The following ZSCAN5A variants were observed in gnomAD, a reference collection of about 807,000 sequenced individuals.
ZSCAN5A encodes the protein zinc finger and SCAN domain containing 5A, also known as zinc finger and SCAN domain-containing protein 5A.
A neutral mutation model predicts 23.7 loss-of-function variants in ZSCAN5A; 12 were observed. The ratio of observed to expected loss-of-function variants is 0.51; its 90% CI spans 0.32 to 0.82. The LOEUF is 0.82. ZSCAN5A is among the 40% of genes least tolerant of loss of function. The pLI is 0.03. For synonymous variants in ZSCAN5A, 257 were observed against 239.9 expected (o/e 1.07, Z -0.66); for missense variants, 597 against 617.9 (o/e 0.97, Z 0.36).
intron 2 of ZSCAN5A, among the ~76,000 whole-genome samples, chr19:56,326,466 G>C (rs892214703): frequency 2.0e-5 from 3 of 152,056 alleles, no homozygotes; most frequent in African/African-American, 7.2e-5. Flanking sequence ...CCTTAGACAA[G>C]CATCTCCCCA....
At chr19:56,321,735 A>T in intron 2 of ZSCAN5A, 2 of 1,361,764 alleles carry the variant, frequency 1.5e-6, no homozygotes, top group Non-Finnish European at 2.1e-6. Context: ...CTGAGGACAT[A>T]ACTGCTTTTC....
chr19:56,366,251 G>A (rs1244851209), intron 1 of ZSCAN5A, among the ~76,000 whole-genome samples: 1 of 151,942 alleles, frequency 6.6e-6, no homozygotes, highest in Non-Finnish European at 1.5e-5. Flanking sequence ...GACCATCCTG[G>A]CTAACATGGT....
upstream of ZSCAN5A, among the ~76,000 whole-genome samples, chr19:56,318,269 A>T (rs77737531): frequency 0.014 from 2,105 of 152,236 alleles, 46 homozygotes; most frequent in African/African-American, 0.049. Context: ...TTATTGATTC[A>T]TGCTTCCGGT....
intron 2 of ZSCAN5A, among the ~76,000 whole-genome samples, chr19:56,267,142 G>T (rs186983581): frequency 6.6e-6 from 1 of 151,930 alleles, no homozygotes. Context: ...CTCTAGCTAC[G>T]GCAGCATCTC....
chr19:56,278,300 AT>A (rs1235153265), intron 2 of ZSCAN5A, among the ~76,000 whole-genome samples: 3 of 152,118 alleles, frequency 2.0e-5, no homozygotes, highest in Admixed American at 2.0e-4. Flanking sequence ...TGCCTGGCTA[AT>A]TTTTGTATAT....
intron 2 of ZSCAN5A, among the ~76,000 whole-genome samples, chr19:56,339,924 C>G (rs1242664838): frequency 6.6e-6 from 1 of 152,226 alleles, no homozygotes; most frequent in African/African-American, 2.4e-5. Context: ...TGCCCTTGCT[C>G]TAGATGACTT....
intron 2 of ZSCAN5A, among the ~76,000 whole-genome samples, chr19:56,302,654 C>A (rs536983586): frequency 8.3e-6 from 1 of 121,070 alleles, no homozygotes; most frequent in African/African-American, 3.4e-5. Context: ...TTCTTCCCCC[C>A]CTCCCTGTTC....
chr19:56,282,159 C>T lies in ZSCAN5A; in HGVS notation c.-128+31124G>A, dbSNP rs373978817. 9.8e-4 allele frequency among the ~76,000 whole-genome samples: 149 copies of T among 152,196 alleles called. 1 individual carries two copies. Among genetic ancestry groups the T allele is most frequent in the African/African-American group, 3.1e-3 (129 of 41,518 alleles). ...TTTCCCAGAATTAACATCCAGTCTCCGGTTGAGAAGTGGAGATGACACTTG... is the reference window on the plus strand; with the variant it reads ...TTTCCCAGAATTAACATCCAGTCTCTGGTTGAGAAGTGGAGATGACACTTG... On this transcript the variant is annotated intron_variant, in intron 2 of 5. Coordinates refer to ENST00000683990, the MANE Select transcript of ZSCAN5A (RefSeq NM_001322064.3).
chr19:56,326,336 T>G (rs567909215), intron 2 of ZSCAN5A, among the ~76,000 whole-genome samples: 1 of 151,644 alleles, frequency 6.6e-6, no homozygotes, highest in African/African-American at 2.4e-5. Flanking sequence ...TGTGTGTGTG[T>G]GGTGAGAACA....
chr19:56,228,159 GA>G, intron 2 of ZSCAN5A: 1 of 957,822 alleles, frequency 1.0e-6, no homozygotes, highest in Non-Finnish European at 1.2e-6. Context: ...AAGTCTCCGA[GA>G]AAACGCACGA....
chr19:56,289,134 C>T (rs57832064), intron 2 of ZSCAN5A, among the ~76,000 whole-genome samples: 68 of 152,258 alleles, frequency 4.5e-4, no homozygotes, highest in African/African-American at 1.5e-3. Context: ...TGGTTTGTAG[C>T]GACTACCACT....
intron 2 of ZSCAN5A, among the ~76,000 whole-genome samples, chr19:56,323,075 C>T (rs367995760): frequency 8.6e-5 from 13 of 151,622 alleles, no homozygotes; most frequent in African/African-American, 2.9e-4. Flanking sequence ...TTTATATTTT[C>T]AGTAGAGACG....
intron 2 of ZSCAN5A, chr19:56,286,544 C>A (rs1045130251): frequency 2.0e-5 from 3 of 152,132 alleles, no homozygotes; most frequent in African/African-American, 2.4e-5. Flanking sequence ...AAGGAGGAGA[C>A]AACTGTGAAG....
chr19:56,310,349 CG>C (rs2040960332), intron 2 of ZSCAN5A: 1 of 152,242 alleles, frequency 6.6e-6, no homozygotes, highest in African/African-American at 2.4e-5. Flanking sequence ...GCACCCAGGG[CG>C]GCTGAGAGAG....
At chr19:56,358,602 C>T (rs1056227178) in intron 2 of ZSCAN5A, among the ~76,000 whole-genome samples, 14 of 152,176 alleles carry the variant, frequency 9.2e-5, no homozygotes, top group Non-Finnish European at 1.6e-4. Flanking sequence ...CATAAGTCTC[C>T]ACCCAAAACC....
At chr19:56,318,670 T>C (rs535832025), upstream of ZSCAN5A, among the ~76,000 whole-genome samples, 1 of 152,188 alleles carries the variant, frequency 6.6e-6, no homozygotes, top group East Asian at 1.9e-4. Flanking sequence ...TAAGAGAAAA[T>C]AAAATCAATG....
At position 56,357,045 on chromosome 19, in the gene ZSCAN5A, C is replaced by A. The variant is rs1279936147; in HGVS notation, c.-358+6190G>T. Among the ~76,000 whole-genome samples the A allele has an allele frequency of 2.0e-5, 3 of 148,572 alleles. 1 individual carries two copies. On this transcript the variant is annotated intron_variant, in intron 2 of 6. Transcript: ENST00000587340. ...GCATTAAGTATTTTTTATTCTTCAGCAATTTAAAGACAATTTTCCATTTGT... is the reference window on the plus strand; with the variant it reads ...GCATTAAGTATTTTTTATTCTTCAGAAATTTAAAGACAATTTTCCATTTGT...
At chr19:56,255,825 GT>G (rs1279592512) in intron 2 of ZSCAN5A, among the ~76,000 whole-genome samples, 2 of 152,142 alleles carry the variant, frequency 1.3e-5, no homozygotes, top group African/African-American at 4.8e-5. Flanking sequence ...GCATCAAAAA[GT>G]TAACTCTGAG....
At position 56,222,095 on chromosome 19, in the gene ZSCAN5A, G is replaced by C. The variant is rs1274868780; in HGVS notation, c.971C>G (p.Ser324Cys). 1 of 1,614,182 alleles carries C rather than the reference G, an allele frequency of 6.2e-7. No individual in the cohort carries two copies. The highest frequency in any genetic ancestry group is 8.5e-7 in the Non-Finnish European group (1 of 1,180,044). Reference sequence around the variant, plus strand: ...TGAATTCATCCCAGCTTGTCCCGGGGATTCTCTGTTGCCCACAGGTGTGGC... The same window carrying C: ...TGAATTCATCCCAGCTTGTCCCGGGCATTCTCTGTTGCCCACAGGTGTGGC... ...GEATPVGNRE[S>C]PGQAGMNSIH... The change falls in exon 6 of 6, where the codon TCC becomes TGC. Residue 324 changes from serine to cysteine, a missense_variant. By Grantham distance (112) the Ser-to-Cys change is moderately radical. This residue lies in a region of ZSCAN5A where 406 missense variants were observed against 353.2 expected (regional missense o/e 1.15). Coordinates refer to ENST00000683990, the MANE Select transcript of ZSCAN5A (RefSeq NM_001322064.3).
Sources: gnomAD v4.1 joint callset for allele counts (sites outside exome capture counted in the v4.1 genomes callset) on GRCh38, gnomAD v4.1.1 for gene constraint, gnomAD v4.1.1 regional missense constraint, MANE v1.5 for transcripts, NCBI Gene and HGNC (gene_info 2026-07-23, HGNC 2026-07-21) for gene names.